BCAS3: variants seen among roughly 807,000 people sequenced by gnomAD.
The protein encoded by BCAS3 is BCAS3 microtubule associated cell migration factor, also known as BCAS4/BCAS3 fusion.
Under a neutral mutation model 116.1 loss-of-function variants are expected in BCAS3, and 53 were observed. That is an observed-to-expected ratio of 0.46 (90% CI 0.37 to 0.57). The LOEUF (loss-of-function observed/expected upper bound fraction) is 0.57, where lower values mean the gene tolerates loss of function less well. Among genes scored for constraint, BCAS3 ranks in the 20% least tolerant of loss-of-function variants. The pLI is 0.00. For synonymous variants in BCAS3, 391 were observed against 408.2 expected, an observed-to-expected ratio of 0.96 and a Z score of 0.51; for missense variants, 917 against 1,165.4, an observed-to-expected ratio of 0.79 and a Z score of 3.10.
rs2061359639 is a variant in BCAS3, at chr17:60,960,443, C to T, written c.1221+13091C>T. On this transcript the variant is annotated intron_variant, in intron 14 of 23. Coordinates refer to ENST00000407086, the MANE Select transcript of BCAS3 (RefSeq NM_017679.5). This position sits in a 1 kb window ranked among gnomAD's most constrained non-coding sequence, Gnocchi z 4.1. Reference sequence around the variant, plus strand: ...AGTAGTAGGATATGCGTAGGATAGACATTTCAAAAGGAAGAAATGGAAAAG... The same window carrying T: ...AGTAGTAGGATATGCGTAGGATAGATATTTCAAAAGGAAGAAATGGAAAAG... Among the ~76,000 whole-genome samples, 1 of 152,158 alleles carries T rather than the reference C, an allele frequency of 6.6e-6. No individual in the cohort carries two copies. The highest frequency in any genetic ancestry group is 2.4e-5 in the African/African-American group (1 of 41,438).
rs535095870 is a variant in BCAS3, at chr17:61,012,348, G to A, written c.1487-3403G>A. Among the ~76,000 whole-genome samples the A allele has an allele frequency of 6.6e-6, 1 of 152,088 alleles. No individual in the cohort carries two copies. The highest frequency in any genetic ancestry group is 1.9e-4 in the East Asian group (1 of 5,170). On this transcript the variant is annotated intron_variant, in intron 15 of 23. Coordinates refer to ENST00000407086, the MANE Select transcript of BCAS3 (RefSeq NM_017679.5). The surrounding 1 kb of genome is among the most constrained non-coding windows in gnomAD (Gnocchi z 4.5). The stretch of plus-strand genomic sequence containing the variant: ...CTTTGTTAATGTCTTCTTTTTCAGT[G>A]TCAGTCTTTAAATCTTTGTTCTCTG...
intron 22 of BCAS3, among the ~76,000 whole-genome samples, chr17:61,108,603 G>GT (rs1449297813): frequency 2.2e-3 from 82 of 37,604 alleles, no homozygotes; most frequent in Middle Eastern, 0.017. Flanking sequence ...TGTCTATAGT[G>GT]GTTTTTTTTT....
intron 6 of BCAS3, among the ~76,000 whole-genome samples, chr17:60,803,493 T>C (rs1300472511): frequency 6.6e-6 from 1 of 152,220 alleles, no homozygotes; most frequent in African/African-American, 2.4e-5. Context: ...GTCATCTATT[T>C]CCAAAATTTC....
intron 22 of BCAS3, among the ~76,000 whole-genome samples, chr17:61,306,334 G>A (rs913158719): frequency 6.6e-6 from 1 of 152,074 alleles, no homozygotes. Context: ...ATGGTGATTT[G>A]GTTATTACTA....
Position 61,361,613 on chromosome 17 carries a change from T to C in BCAS3, c.2426-6714T>C, listed in dbSNP as rs1874575209. 6.6e-6 allele frequency: 1 copy of C among 152,116 alleles called. No homozygotes were observed. The highest frequency in any genetic ancestry group is 2.4e-5 in the African/African-American group (1 of 41,448). 9.4% of individuals were successfully genotyped at this position (152,116 alleles called of 1,614,324 possible). ...TGTGGACACATCTGATGGCTAATTA[T>C]ATGAGCCAGGGTTCTCTAAGGAAAC... On this transcript the variant is annotated intron_variant, in intron 22 of 23. Coordinates refer to ENST00000407086, the MANE Select transcript of BCAS3 (RefSeq NM_017679.5). This position sits in a 1 kb window ranked among gnomAD's most constrained non-coding sequence, Gnocchi z 6.5.
rs1284002317 is a variant in BCAS3, at chr17:61,131,962, T to A, written c.2425+47398T>A. Among the ~76,000 whole-genome samples, 1 of 152,236 alleles carries A rather than the reference T, an allele frequency of 6.6e-6. No homozygotes were observed. The highest frequency in any genetic ancestry group is 6.5e-5 in the Admixed American group (1 of 15,284). Reference sequence around the variant, plus strand: ...AACATTTTTCTTTTCCTCTTGGGTGTTCTAATTCTCACTTGTTAACTGCTT... The same window carrying A: ...AACATTTTTCTTTTCCTCTTGGGTGATCTAATTCTCACTTGTTAACTGCTT... On this transcript the variant is annotated intron_variant, in intron 22 of 23. Coordinates refer to ENST00000407086, the MANE Select transcript of BCAS3 (RefSeq NM_017679.5). This position sits in a 1 kb window ranked among gnomAD's most constrained non-coding sequence, Gnocchi z 4.4.
chr17:61,372,947 G>A (rs1040002359), intron 23 of BCAS3, among the ~76,000 whole-genome samples: 13 of 152,116 alleles, frequency 8.5e-5, no homozygotes, highest in African/African-American at 3.1e-4. Context: ...AAACACCTGT[G>A]TACATATTAA....
chr17:60,859,210 G>A (rs2053945019), intron 7 of BCAS3, among the ~76,000 whole-genome samples: 1 of 152,002 alleles, frequency 6.6e-6, no homozygotes. Context: ...TTTTATTTTA[G>A]GTTCTGGGGG....
intron 22 of BCAS3, among the ~76,000 whole-genome samples, chr17:61,290,788 A>G (rs888364165): frequency 1.3e-5 from 2 of 148,986 alleles, no homozygotes; most frequent in Non-Finnish European, 3.0e-5. Context: ...TTTAGTTTGC[A>G]TTTTTTTTTT....
At chr17:60,799,245 C>T (rs775078236) in intron 6 of BCAS3, among the ~76,000 whole-genome samples, 2 of 152,082 alleles carry the variant, frequency 1.3e-5, no homozygotes, top group Non-Finnish European at 2.9e-5. Flanking sequence ...TTAAAAAAAT[C>T]TTATTTTGAA....
intron 14 of BCAS3, among the ~76,000 whole-genome samples, chr17:60,977,345 A>G (rs1030741262): frequency 2.0e-5 from 3 of 151,456 alleles, no homozygotes; most frequent in Admixed American, 2.0e-4. Context: ...ACACCTGGCT[A>G]TTTTTCTTTT....
intron 19 of BCAS3, among the ~76,000 whole-genome samples, chr17:61,043,303 G>A (rs940094197): frequency 6.6e-6 from 1 of 152,038 alleles, no homozygotes; most frequent in Non-Finnish European, 1.5e-5. Context: ...GGGAGGTGAA[G>A]GTTGGAGTGA....
intron 22 of BCAS3, among the ~76,000 whole-genome samples, chr17:61,303,868 C>T (rs554449486): frequency 6.6e-6 from 1 of 152,316 alleles, no homozygotes; most frequent in South Asian, 2.1e-4. Flanking sequence ...TTGTGCCTGG[C>T]ACTTAGTAGG....
chr17:61,015,868 C>G lies in BCAS3; in HGVS notation c.1604C>G (p.Pro535Arg), dbSNP rs750559493. The G allele has an allele frequency of 6.2e-7, 1 of 1,614,076 alleles. No homozygotes were observed. Among genetic ancestry groups the G allele is most frequent in the Non-Finnish European group, 8.5e-7 (1 of 1,179,978 alleles). ...VVMPLAQIKQ[P>R]MTLGTITKRT... ...ATGCCTCTTGCACAAATCAAGCAGC[C>G]AATGACATTGGGGACCATCACCAAA... Residue 535 changes from proline to arginine, a missense_variant, in exon 16 of 24, where the codon CCA becomes CGA. By Grantham distance (103) the Pro-to-Arg change is moderately radical. Around this residue, in one of 3 missense-constraint regions of BCAS3, gnomAD observed 807 missense variants for 1,026.0 expected, o/e 0.79. Transcript: ENST00000407086.
intron 6 of BCAS3, among the ~76,000 whole-genome samples, chr17:60,770,373 A>ATCGCCTCTC (rs2044543981): frequency 1.6e-5 from 2 of 128,842 alleles, no homozygotes; most frequent in South Asian, 5.3e-4. Flanking sequence ...AGTCCTTGCC[A>ATCGCCTCTC]TCGCCTCTCT....
chr17:61,054,267 A>G (rs1568237241), intron 19 of BCAS3, among the ~76,000 whole-genome samples: 1 of 152,162 alleles, frequency 6.6e-6, no homozygotes, highest in African/African-American at 2.4e-5. Flanking sequence ...TCTGTACCCT[A>G]TTCTGAAGCT....
intron 3 of BCAS3, among the ~76,000 whole-genome samples, chr17:60,687,019 A>G (rs913034274): frequency 6.6e-6 from 1 of 152,206 alleles, no homozygotes; most frequent in Non-Finnish European, 1.5e-5. Flanking sequence ...ATAGTACACT[A>G]TGGAAATTAT....
At chr17:60,953,579 C>A (rs1157788408) in intron 14 of BCAS3, among the ~76,000 whole-genome samples, 1 of 152,054 alleles carries the variant, frequency 6.6e-6, no homozygotes, top group African/African-American at 2.4e-5. Flanking sequence ...GATTGGAGCC[C>A]ATTTGTCAAT....
At chr17:61,120,545 G>T (rs1014865905) in intron 22 of BCAS3, among the ~76,000 whole-genome samples, 1 of 152,050 alleles carries the variant, frequency 6.6e-6, no homozygotes, top group African/African-American at 2.4e-5. Flanking sequence ...CAGATATAGA[G>T]TGAATAGCCT....
Sources: gnomAD v4.1 joint callset for allele counts (sites outside exome capture counted in the v4.1 genomes callset) on GRCh38, gnomAD v4.1.1 for gene constraint, gnomAD v4.1.1 regional missense constraint, Gnocchi (gnomAD v3.1) non-coding constraint, MANE v1.5 for transcripts, NCBI Gene and HGNC (gene_info 2026-07-23, HGNC 2026-07-21) for gene names.